TPH2: variants seen among roughly 807,000 people sequenced by gnomAD.
TPH2 encodes tryptophan 5-hydroxylase 2.
Under a neutral mutation model 59.1 loss-of-function variants are expected in TPH2, and 27 were observed. The observed-to-expected ratio is 0.46, with a 90% confidence interval of 0.34 to 0.63. The LOEUF is 0.63. TPH2 is among the 30% of genes least tolerant of loss of function. TPH2 has a pLI of 0.01. For missense variants in TPH2, 523 were observed against 588.3 expected (o/e 0.89, Z 1.15); for synonymous variants, 220 against 210.5 (o/e 1.05, Z -0.39).
At chr12:71,988,583 A>C (rs1242760282) in intron 7 of TPH2, among the ~76,000 whole-genome samples, 1 of 152,204 alleles carries the variant, frequency 6.6e-6, no homozygotes, top group African/African-American at 2.4e-5. Context: ...GACAGCACCA[A>C]GAGGATGGTG....
intron 5 of TPH2, among the ~76,000 whole-genome samples, chr12:71,954,120 G>GA (rs1322239395): frequency 1.3e-5 from 2 of 152,118 alleles, no homozygotes; most frequent in African/African-American, 4.8e-5. Context: ...ACTCTATGAT[G>GA]AAAAAACAGC....
rs745903154 is a variant in TPH2 at position 71,941,624 on chromosome 12, A to G, written c.146A>G (p.Asn49Ser). 1 of 1,614,116 alleles carries G rather than the reference A, an allele frequency of 6.2e-7. No homozygotes were observed. Among genetic ancestry groups the G allele is most frequent in the Non-Finnish European group, 8.5e-7 (1 of 1,179,990 alleles). ...TCTGGCAAAAATGACGACAAAGGCA[A>G]CAAGGGAAGCAGCAAACGTGAAGCT... ...PNSGKNDDKG[N>S]KGSSKREAAT... The change falls in exon 2 of 11, where the codon AAC becomes AGC. Residue 49 changes from asparagine (N) to serine (S), a missense_variant. Physicochemically the swap from Asn to Ser is conservative, Grantham distance 46. Transcript: ENST00000333850.
rs566113156 is a variant in TPH2 at position 71,976,791 on chromosome 12, G to A, written c.806-2161G>A. On this transcript the variant is annotated intron_variant, in intron 6 of 10. Coordinates refer to ENST00000333850, the MANE Select transcript of TPH2 (RefSeq NM_173353.4). ...AGCTTAGTTGGTTCTTGCCTCTTAA[G>A]ATCATTTTCAACCATTGTGTGGTAC... is the stretch of plus-strand genomic sequence containing the variant. Among the ~76,000 whole-genome samples, 5 of 152,242 alleles carry A rather than the reference G, an allele frequency of 3.3e-5. No individual in the cohort carries two copies. The South Asian group carries it at 1.0e-3, about 32-fold the overall frequency.
chr12:72,012,210 C>T (rs1183201734), intron 8 of TPH2, among the ~76,000 whole-genome samples: 1 of 151,950 alleles, frequency 6.6e-6, no homozygotes, highest in Non-Finnish European at 1.5e-5. Flanking sequence ...ACAACAACAA[C>T]AACAAAAGTC....
Position 71,944,669 on chromosome 12 carries a change from C to T in TPH2, c.523C>T (p.Leu175Phe). ...CAGAGTTCTCATGTATGGTTCTGAG[C>T]TTGATGCTGACCACCCAGTAAGTGT... ...SHRVLMYGSE[L>F]DADHPGFKDN... The change falls in exon 4 of 11, where the codon CTT becomes TTT. Residue 175 changes from leucine to phenylalanine, a missense_variant. By Grantham distance (22) the Leu-to-Phe change is conservative. Coordinates refer to ENST00000333850, the MANE Select transcript of TPH2 (RefSeq NM_173353.4). 6.2e-7 allele frequency: 1 copy of T among 1,613,870 alleles called. No homozygotes were observed. The highest frequency in any genetic ancestry group is 8.5e-7 in the Non-Finnish European group (1 of 1,179,800).
At chr12:72,012,957 C>T (rs1873139110) in intron 8 of TPH2, among the ~76,000 whole-genome samples, 1 of 152,136 alleles carries the variant, frequency 6.6e-6, no homozygotes, top group East Asian at 1.9e-4. Context: ...TAAACACAAT[C>T]ACCCATTTAT....
intron 7 of TPH2, among the ~76,000 whole-genome samples, chr12:71,994,207 G>T (rs1420522255): frequency 6.6e-6 from 1 of 152,180 alleles, no homozygotes; most frequent in African/African-American, 2.4e-5. Context: ...GAAAATAGTA[G>T]TTGCTTTTAT....
chr12:71,943,629 T>C (rs1871130346), intron 2 of TPH2, among the ~76,000 whole-genome samples: 1 of 152,108 alleles, frequency 6.6e-6, no homozygotes, highest in Non-Finnish European at 1.5e-5. Context: ...TTTACCTTTT[T>C]TTCACCCTCC....
intron 8 of TPH2, among the ~76,000 whole-genome samples, chr12:72,011,742 C>G (rs1021805186): frequency 6.6e-6 from 1 of 152,168 alleles, no homozygotes; most frequent in Non-Finnish European, 1.5e-5. Flanking sequence ...CACTTAACTA[C>G]AAAACTGCTG....
chr12:71,970,894 T>C (rs1036491346), intron 5 of TPH2, among the ~76,000 whole-genome samples: 1 of 152,234 alleles, frequency 6.6e-6, no homozygotes, highest in African/African-American at 2.4e-5. Flanking sequence ...TTTCTGTTTT[T>C]TTCTTCAGTA....
intron 8 of TPH2, 64 bp from the exon 9 acceptor site, chr12:72,022,335 G>A (rs1873441573): frequency 9.5e-6 from 11 of 1,162,680 alleles, no homozygotes; most frequent in Non-Finnish European, 1.4e-5. Context: ...TGTTTTGGGT[G>A]CCATTTAATC....
At chr12:71,969,021 C>T (rs191365672) in intron 5 of TPH2, among the ~76,000 whole-genome samples, 41 of 152,352 alleles carry the variant, frequency 2.7e-4, no homozygotes, top group African/African-American at 9.6e-4. Flanking sequence ...GGCTGGCTCA[C>T]GCCTGTAATC....
At chr12:71,955,666 G>A (rs1011546843) in intron 5 of TPH2, among the ~76,000 whole-genome samples, 2 of 152,118 alleles carry the variant, frequency 1.3e-5, no homozygotes, top group East Asian at 3.8e-4. Context: ...TTACATGAGC[G>A]AATATAGTAA....
At chr12:72,012,301 G>T (rs1231810947) in intron 8 of TPH2, among the ~76,000 whole-genome samples, 2 of 152,238 alleles carry the variant, frequency 1.3e-5, no homozygotes, top group East Asian at 1.9e-4. Context: ...GTGTGGATTC[G>T]TATGGGCTAC....
intron 5 of TPH2, among the ~76,000 whole-genome samples, chr12:71,956,069 C>G (rs1871486371): frequency 6.6e-6 from 1 of 152,176 alleles, no homozygotes; most frequent in African/African-American, 2.4e-5. Flanking sequence ...GGACCTGCTT[C>G]CAATATGGTT....
intron 8 of TPH2, among the ~76,000 whole-genome samples, chr12:72,003,312 G>T (rs533302426): frequency 6.6e-6 from 1 of 152,256 alleles, no homozygotes; most frequent in Admixed American, 6.5e-5. Context: ...AGGGCTGGGG[G>T]GAATGCACTT....
chr12:71,944,172 A>AGAGATTGTCTCTT, intron 2 of TPH2, 122 bp from the exon 3 acceptor site: 1 of 959,946 alleles, frequency 1.0e-6, no homozygotes, highest in Non-Finnish European at 1.6e-6. Context: ...CAAAGAACAA[A>AGAGATTGTCTCTT]GAGATTGTCT....
At chr12:71,956,287 C>G (rs905206358) in intron 5 of TPH2, among the ~76,000 whole-genome samples, 1 of 152,146 alleles carries the variant, frequency 6.6e-6, no homozygotes, top group East Asian at 1.9e-4. Context: ...GATTCATAGA[C>G]CAACTGTGAC....
intron 7 of TPH2, among the ~76,000 whole-genome samples, chr12:71,993,050 G>A (rs1872616246): frequency 6.6e-6 from 1 of 152,218 alleles, no homozygotes; most frequent in South Asian, 2.1e-4. Context: ...TGAATTTGGA[G>A]TTTGTTTCAG....
Sources: allele counts gnomAD v4.1 joint callset (sites outside exome capture counted in the v4.1 genomes callset), GRCh38; gene constraint gnomAD v4.1.1; transcripts MANE v1.5; gene names NCBI Gene and HGNC (gene_info 2026-07-23, HGNC 2026-07-21).